The following PUS7 variants were observed in gnomAD, a reference collection of about 807,000 sequenced individuals.
PUS7 encodes pseudouridine synthase 7, also known as pseudouridylate synthase 7 homolog.
A neutral mutation model predicts 79.8 loss-of-function variants in PUS7; 48 were observed. That is an observed-to-expected ratio of 0.60 (90% CI 0.48 to 0.76). The LOEUF (loss-of-function observed/expected upper bound fraction) is 0.76. Among genes scored for constraint, PUS7 ranks in the 30% least tolerant of loss-of-function variants. The pLI is 0.00. For missense variants in PUS7, 729 were observed against 797.6 expected (o/e 0.91, Z 1.04); for synonymous variants, 286 against 272.2 (o/e 1.05, Z -0.50).
At chr7:105,521,646 G>A (rs1826117411) in intron 1 of PUS7, among the ~76,000 whole-genome samples, 1 of 152,220 alleles carries the variant, frequency 6.6e-6, no homozygotes, top group South Asian at 2.1e-4. Context: ...ACCGTGAAGG[G>A]CTTCAGGGCC....
intron 13 of PUS7, among the ~76,000 whole-genome samples, chr7:105,463,182 C>T (rs1823504428): frequency 6.6e-6 from 1 of 152,186 alleles, no homozygotes; most frequent in African/African-American, 2.4e-5. Context: ...CTCACCCGCG[C>T]ACCTGATGTA....
At chr7:105,508,672 G>T in intron 1 of PUS7, 128 bp from the exon 2 acceptor site, 1 of 1,254,454 alleles carries the variant, frequency 8.0e-7, no homozygotes, top group Non-Finnish European at 1.1e-6. Flanking sequence ...TTGAGGTCAG[G>T]AGTTCAAGAC....
chr7:105,488,322 G>C (rs2133161703), intron 7 of PUS7, among the ~76,000 whole-genome samples: 1 of 152,204 alleles, frequency 6.6e-6, no homozygotes, highest in South Asian at 2.1e-4. Flanking sequence ...ATAACACCAT[G>C]CTGAGGAAGA....
chr7:105,488,773 A>G (rs1361975611), intron 7 of PUS7, among the ~76,000 whole-genome samples: 2 of 152,228 alleles, frequency 1.3e-5, no homozygotes, highest in Non-Finnish European at 2.9e-5. Context: ...CAAAAAATAT[A>G]TACCATGTTG....
intron 9 of PUS7, among the ~76,000 whole-genome samples, chr7:105,480,095 T>C (rs1442508976): frequency 6.6e-6 from 1 of 152,228 alleles, no homozygotes; most frequent in Non-Finnish European, 1.5e-5. Context: ...GTGACATCTC[T>C]GTCTGGCTAC....
Position 105,495,204 on chromosome 7 carries a change from G to A in PUS7, c.780C>T (p.Phe260=), listed in dbSNP as rs892248347. 3.7e-6 allele frequency: 6 copies of A among 1,612,668 alleles called. No homozygotes were observed. Among genetic ancestry groups the A allele is most frequent in the Middle Eastern group, 1.7e-4 (1 of 6,010 alleles). Residue 260 remains phenylalanine (F), a synonymous_variant, in exon 6 of 16, where the codon TTC becomes TTT. Transcript: ENST00000469408. ...TGTCTTTGTTTTCCTTATATAGTAC[G>A]AAGTGGCAGTAACTTCCCCTAGATT... is the stretch of plus-strand genomic sequence containing the variant. ...WPKSRGSYCH[F]VLYKENKDTM...
chr7:105,484,527 AT>A (rs1454615400), intron 7 of PUS7, among the ~76,000 whole-genome samples: 13 of 134,194 alleles, frequency 9.7e-5, no homozygotes, highest in South Asian at 2.5e-4. Context: ...AAAAAAAAAA[AT>A]AGCTCTGGGA....
intron 1 of PUS7, among the ~76,000 whole-genome samples, chr7:105,521,016 T>A (rs1164675147): frequency 6.6e-6 from 1 of 151,978 alleles, no homozygotes; most frequent in Non-Finnish European, 1.5e-5. Flanking sequence ...CTCAAAAAAA[T>A]TAAAAAAATA....
At chr7:105,484,076 G>T (rs972869683) in intron 7 of PUS7, among the ~76,000 whole-genome samples, 1 of 152,160 alleles carries the variant, frequency 6.6e-6, no homozygotes, top group Non-Finnish European at 1.5e-5. Context: ...GTCCAACAAT[G>T]ATAATAACTT....
intron 11 of PUS7, 28 bp downstream of exon 11, chr7:105,470,660 A>G (rs1233540476): frequency 2.7e-5 from 42 of 1,538,058 alleles, no homozygotes; most frequent in Non-Finnish European, 3.6e-5. Context: ...GCCTTGAGCC[A>G]TTGCCTGACT....
chr7:105,506,547 C>G (rs969263862), intron 2 of PUS7, among the ~76,000 whole-genome samples: 1 of 151,882 alleles, frequency 6.6e-6, no homozygotes, highest in Non-Finnish European at 1.5e-5. Flanking sequence ...CTCAGCCTCC[C>G]GAGTAGCTGG....
At chr7:105,476,533 T>C (rs1824118990) in intron 9 of PUS7, among the ~76,000 whole-genome samples, 2 of 152,108 alleles carry the variant, frequency 1.3e-5, no homozygotes, top group Non-Finnish European at 2.9e-5. Flanking sequence ...AATTTTTGTA[T>C]TTTTAGTAGA....
At chr7:105,463,394 C>T (rs11772023) in intron 13 of PUS7, among the ~76,000 whole-genome samples, 1 of 152,198 alleles carries the variant, frequency 6.6e-6, no homozygotes, top group Non-Finnish European at 1.5e-5. Context: ...GTCATAAGTA[C>T]TGGATCTTTC....
At chr7:105,518,056 G>A (rs1756592998) in intron 1 of PUS7, among the ~76,000 whole-genome samples, 1 of 151,956 alleles carries the variant, frequency 6.6e-6, no homozygotes, top group Non-Finnish European at 1.5e-5. Flanking sequence ...GCTGAGACAG[G>A]AGAATCGCTT....
At chr7:105,507,442 A>G (rs1825516171) in intron 2 of PUS7, among the ~76,000 whole-genome samples, 1 of 152,206 alleles carries the variant, frequency 6.6e-6, no homozygotes, top group Non-Finnish European at 1.5e-5. Flanking sequence ...TCCAAAGACT[A>G]CCTTCTTCTA....
At chr7:105,481,608 T>C (rs1333930455) in intron 8 of PUS7, among the ~76,000 whole-genome samples, 1 of 152,206 alleles carries the variant, frequency 6.6e-6, no homozygotes, top group African/African-American at 2.4e-5. Context: ...AATGAAACTC[T>C]GTACCCCTAA....
At chr7:105,490,532 A>G (rs1010108666) in intron 7 of PUS7, among the ~76,000 whole-genome samples, 2 of 152,142 alleles carry the variant, frequency 1.3e-5, no homozygotes, top group Admixed American at 1.3e-4. Flanking sequence ...CCGGCGATCC[A>G]TAATCCAGCC....
chr7:105,515,584 A>C (rs1242405005), intron 1 of PUS7, among the ~76,000 whole-genome samples: 2 of 152,148 alleles, frequency 1.3e-5, no homozygotes, highest in African/African-American at 4.8e-5. Context: ...TTAAATTTCA[A>C]ATGAAATTAC....
At position 105,514,453 on chromosome 7, in the gene PUS7, A is replaced by T. The variant is rs1001656937; in HGVS notation, c.-32-5909T>A. On this transcript the variant is annotated intron_variant, in intron 1 of 15. Transcript: ENST00000469408. ...CCCCATCTCTACTAAAAATACAAACAATTAGCTGGGCGTGGTGACGGGCGC... is the reference window on the plus strand; with the variant it reads ...CCCCATCTCTACTAAAAATACAAACTATTAGCTGGGCGTGGTGACGGGCGC... Among the ~76,000 whole-genome samples, 8 of 150,436 alleles carry T rather than the reference A, an allele frequency of 5.3e-5. 1 individual carries two copies. The highest frequency in any genetic ancestry group is 4.7e-4 in the Admixed American group (7 of 15,020).
Sources: gnomAD v4.1 joint callset for allele counts (sites outside exome capture counted in the v4.1 genomes callset) on GRCh38, gnomAD v4.1.1 for gene constraint, MANE v1.5 for transcripts, NCBI Gene and HGNC (gene_info 2026-07-23, HGNC 2026-07-21) for gene names.